The following KLHL7 variants were observed in gnomAD, a reference collection of about 807,000 sequenced individuals.
The protein encoded by KLHL7 is kelch-like protein 7.
KLHL7 carries 44 observed loss-of-function variants against 67.4 expected under a neutral mutation model. That is an observed-to-expected ratio of 0.65 (90% confidence interval 0.51 to 0.84). The LOEUF (loss-of-function observed/expected upper bound fraction) is 0.84. Among genes scored for constraint, KLHL7 ranks in the 40% least tolerant of loss-of-function variants. KLHL7 has a pLI of 0.00. For missense variants in KLHL7, 362 were observed against 718.1 expected (o/e 0.50, Z 5.67); for synonymous variants, 252 against 243.3 (o/e 1.04, Z -0.33).
intron 4 of KLHL7, chr7:23,126,148 C>A: frequency 2.4e-6 from 1 of 412,316 alleles, no homozygotes; most frequent in South Asian, 2.3e-5. Flanking sequence ...CACTTCATAA[C>A]CAGGATGGTT....
Position 23,165,857 on chromosome 7 carries a change from C to T in KLHL7, c.1096C>T (p.Leu366=), listed in dbSNP as rs776329112. The change falls in exon 8 of 11, where the codon CTG becomes TTG. Residue 366 remains leucine, a synonymous_variant. Transcript: ENST00000339077. The part of the protein sequence containing the change: ...NVVKDSWYSK[L]GPPTPRDSLA... The stretch of plus-strand genomic sequence containing the variant: ...AGTGAAGGATAGCTGGTATTCGAAA[C>T]TGGGTCCTCCGACACCTCGAGACAG... 5.6e-6 allele frequency: 9 copies of T among 1,614,186 alleles called. No individual in the cohort carries two copies. Among genetic ancestry groups the T allele is most frequent in the Non-Finnish European group, 5.9e-6 (7 of 1,180,022 alleles).
intron 7 of KLHL7, among the ~76,000 whole-genome samples, chr7:23,152,712 C>T (rs1784576419): frequency 6.6e-6 from 1 of 152,098 alleles, no homozygotes; most frequent in African/African-American, 2.4e-5. Flanking sequence ...CATTACATAT[C>T]ATGCCGACCA....
At chr7:23,165,390 A>G (rs1784973795) in intron 7 of KLHL7, among the ~76,000 whole-genome samples, 1 of 152,168 alleles carries the variant, frequency 6.6e-6, no homozygotes, top group Admixed American at 6.5e-5. Context: ...ATCTTCTTGT[A>G]TTGTCTTCAA....
chr7:23,130,457 C>T (rs938267029), intron 4 of KLHL7, among the ~76,000 whole-genome samples: 19 of 152,112 alleles, frequency 1.2e-4, no homozygotes, highest in Admixed American at 7.2e-4. Context: ...GTTAAACATA[C>T]CTTAAGTTTA....
In KLHL7 at chr7:23,114,542, A is replaced by C. The variant is rs192359464; in HGVS notation, c.120+8396A>C. On this transcript the variant is annotated intron_variant, in intron 1 of 10. Coordinates refer to ENST00000339077, the MANE Select transcript of KLHL7 (RefSeq NM_001031710.3). ...AACTCCAGCACAAAGTAGCTGGACC[A>C]AGTAGCTGTAAGTTCTTTTTTCCAA... Among the ~76,000 whole-genome samples, 613 of 152,294 alleles carry C rather than the reference A, an allele frequency of 4.0e-3. 14 individuals carry two copies. The highest frequency in any genetic ancestry group is 1.8e-3 in the Non-Finnish European group (120 of 68,012).
At chr7:23,107,918 C>T (rs1216407942) in intron 1 of KLHL7, among the ~76,000 whole-genome samples, 3 of 152,112 alleles carry the variant, frequency 2.0e-5, no homozygotes, top group South Asian at 4.1e-4. Flanking sequence ...ATTGTATTGT[C>T]CTGTTTAACA....
chr7:23,151,157 G>GTTTTTTTTTTTT (rs1378700987), intron 6 of KLHL7, among the ~76,000 whole-genome samples: 1 of 50,074 alleles, frequency 2.0e-5, no homozygotes, highest in Non-Finnish European at 3.8e-5. Flanking sequence ...GGCCTGTTTT[G>GTTTTTTTTTTTT]TTTTTTTTTT....
chr7:23,132,796 A>G (rs1188152680), intron 4 of KLHL7, among the ~76,000 whole-genome samples: 2 of 152,156 alleles, frequency 1.3e-5, no homozygotes, highest in African/African-American at 4.8e-5. Context: ...TAAGTCTTTA[A>G]TTCATTTTTA....
At position 23,152,197 on chromosome 7, in the gene KLHL7, T is replaced by A; in HGVS notation, c.924T>A (p.Tyr308Ter). Reference sequence around the variant, plus strand: ...GCTCTCAACCACAGTCTTGTAGATATTTTAACCCAAAGGTAACTAATTTTT... The same window carrying A: ...GCTCTCAACCACAGTCTTGTAGATAATTTAACCCAAAGGTAACTAATTTTT... ...FGGSQPQSCR[Y>*]FNPKDYSWTD... The change falls in exon 7 of 11, where the codon TAT becomes TAA. Residue 308 changes from tyrosine (Y) to a stop codon, truncating the protein, a stop_gained. Coordinates refer to ENST00000339077, the MANE Select transcript of KLHL7 (RefSeq NM_001031710.3). LOFTEE classifies it high-confidence loss of function. The A allele has an allele frequency of 6.2e-7, 1 of 1,613,900 alleles. No homozygotes were observed. Among genetic ancestry groups the A allele is most frequent in the Non-Finnish European group, 8.5e-7 (1 of 1,179,772 alleles).
Position 23,174,252 on chromosome 7 carries a change from G to C in KLHL7, c.1715G>C (p.Cys572Ser). 6.2e-7 allele frequency: 1 copy of C among 1,614,150 alleles called. No homozygotes were observed. Among genetic ancestry groups the C allele is most frequent in the Non-Finnish European group, 8.5e-7 (1 of 1,180,010 alleles). Residue 572 changes from cysteine (C) to serine (S), a missense_variant, in exon 11 of 11, where the codon TGT becomes TCT. Physicochemically the swap from Cys to Ser is moderately radical, Grantham distance 112. Coordinates refer to ENST00000339077, the MANE Select transcript of KLHL7 (RefSeq NM_001031710.3). ...TTTCCAGTCACAAGTTGTTTAATTT[G>C]TGTTGTCGATACTTGTGGAGCAAAT... is the stretch of plus-strand genomic sequence containing the variant. The part of the protein sequence containing the change: ...RAFPVTSCLI[C>S]VVDTCGANEE...
intron 6 of KLHL7, among the ~76,000 whole-genome samples, chr7:23,149,082 A>T (rs962260215): frequency 1.3e-5 from 2 of 152,228 alleles, no homozygotes; most frequent in African/African-American, 4.8e-5. Flanking sequence ...ACATAAAACT[A>T]AGCTTAAAAA....
chr7:23,138,482 AAAG>A (rs201870259), intron 4 of KLHL7, among the ~76,000 whole-genome samples: 2,648 of 139,682 alleles, frequency 0.019, 114 homozygotes, highest in African/African-American at 0.075. Context: ...AAAAAAAAAA[AAAG>A]AAGGTATAAA....
rs76416107 is a variant in KLHL7 at position 23,169,473 on chromosome 7, C to G, written c.1379+1436C>G. 6.1e-3 allele frequency among the ~76,000 whole-genome samples: 923 copies of G among 152,118 alleles called. 28 individuals carry two copies. In the East Asian group the frequency reaches 0.084, roughly 14 times the overall value. ...TGCTCCCTTTTATGTGAACCTCTAC[C>G]TTACTTCCCATAAACCCTAGGCTCA... On this transcript the variant is annotated intron_variant, in intron 9 of 10. Coordinates refer to ENST00000339077, the MANE Select transcript of KLHL7 (RefSeq NM_001031710.3).
intron 6 of KLHL7, among the ~76,000 whole-genome samples, chr7:23,148,719 A>G (rs1010058461): frequency 6.6e-6 from 1 of 152,332 alleles, no homozygotes; most frequent in Non-Finnish European, 1.5e-5. Flanking sequence ...TCTAGTGTTT[A>G]GTTATTACAT....
chr7:23,170,082 C>T (rs528679283), intron 9 of KLHL7, among the ~76,000 whole-genome samples: 7 of 152,192 alleles, frequency 4.6e-5, no homozygotes, highest in Admixed American at 6.5e-5. Context: ...GGCGTGGTGG[C>T]GCGTGCCTGT....
rs1785235611 is a variant in KLHL7 at position 23,174,029 on chromosome 7, G to A, written c.1492G>A (p.Val498Met). Residue 498 changes from valine (V) to methionine (M), a missense_variant, in exon 11 of 11, where the codon GTG (valine) becomes ATG (methionine). This residue lies in a region of KLHL7 where 136 missense variants were observed against 252.7 expected (regional missense o/e 0.54). Transcript: ENST00000339077. ...GQNGLGGLDN[V>M]EYYDIKLNEW... ...TTCTTTTGAAGGTGGTCTGGACAAT[G>A]TGGAATATTACGATATTAAGTTGAA... 1 of 1,614,104 alleles carries A rather than the reference G, an allele frequency of 6.2e-7. No individual in the cohort carries two copies. Among genetic ancestry groups the A allele is most frequent in the Non-Finnish European group, 8.5e-7 (1 of 1,179,948 alleles).
At chr7:23,172,351 A>C (rs1383164268) in intron 9 of KLHL7, among the ~76,000 whole-genome samples, 3 of 152,226 alleles carry the variant, frequency 2.0e-5, no homozygotes, top group Non-Finnish European at 4.4e-5. Flanking sequence ...GGCTGTGAAC[A>C]GAGCAACATG....
intron 4 of KLHL7, chr7:23,125,882 A>G: frequency 1.3e-6 from 2 of 1,547,010 alleles, no homozygotes; most frequent in Non-Finnish European, 1.7e-6. Context: ...CCTTATCTGC[A>G]GGATACGTTC....
At chr7:23,140,422 T>G (rs1784136393) in intron 4 of KLHL7, among the ~76,000 whole-genome samples, 1 of 152,166 alleles carries the variant, frequency 6.6e-6, no homozygotes, top group South Asian at 2.1e-4. Context: ...CCAGGCGTGG[T>G]GGCGAGCACC....
Sources: gnomAD v4.1 joint callset for allele counts (sites outside exome capture counted in the v4.1 genomes callset) on GRCh38, gnomAD v4.1.1 for gene constraint, gnomAD v4.1.1 regional missense constraint, MANE v1.5 for transcripts, NCBI Gene and HGNC (gene_info 2026-07-23, HGNC 2026-07-21) for gene names.